Variants in CAMTA1 observed in about 807,000 individuals in gnomAD.
CAMTA1 encodes the protein calmodulin-binding transcription activator 1.
Under a neutral mutation model 170.9 loss-of-function variants are expected in CAMTA1, and 27 were observed. That is an observed-to-expected ratio of 0.16 (90% CI 0.12 to 0.22). CAMTA1 has a LOEUF of 0.22. Among genes scored for constraint, CAMTA1 ranks in the 10% least tolerant of loss-of-function variants. CAMTA1 has a pLI of 1.00. For missense variants in CAMTA1, 1,619 were observed against 2,217.2 expected (o/e 0.73, Z 5.42); for synonymous variants, 833 against 891.5 (o/e 0.93, Z 1.17).
chr1:7,524,313 C>A (rs888164612), intron 6 of CAMTA1, among the ~76,000 whole-genome samples: 1 of 152,122 alleles, frequency 6.6e-6, no homozygotes, highest in East Asian at 1.9e-4. Flanking sequence ...GAAATGCAAT[C>A]AATTTTTCTG....
At chr1:6,891,256 A>G (rs747875426) in intron 3 of CAMTA1, among the ~76,000 whole-genome samples, 11 of 152,206 alleles carry the variant, frequency 7.2e-5, no homozygotes, top group Non-Finnish European at 1.0e-4. Flanking sequence ...TTCTTGTGCA[A>G]TCCCCACTTT....
At chr1:7,493,266 C>T (rs553917484) in intron 6 of CAMTA1, among the ~76,000 whole-genome samples, 96 of 88,696 alleles carry the variant, frequency 1.1e-3, no homozygotes, top group African/African-American at 4.3e-3. Context: ...TACGTACACA[C>T]GCACACAAAC....
At chr1:7,648,245 A>T (rs1353428545) in intron 7 of CAMTA1, among the ~76,000 whole-genome samples, 2 of 152,162 alleles carry the variant, frequency 1.3e-5, no homozygotes, top group Non-Finnish European at 2.9e-5. Context: ...TACAAAAATT[A>T]TCTGGGCATG....
At chr1:6,842,172 A>G (rs1656036110) in intron 3 of CAMTA1, among the ~76,000 whole-genome samples, 1 of 151,980 alleles carries the variant, frequency 6.6e-6, no homozygotes, top group African/African-American at 2.4e-5. Context: ...ACATTTATTC[A>G]CTCCACAACA....
chr1:7,699,395 G>A (rs1423524192), intron 11 of CAMTA1, among the ~76,000 whole-genome samples: 1 of 152,210 alleles, frequency 6.6e-6, no homozygotes, highest in Non-Finnish European at 1.5e-5. Context: ...GTATGGACTT[G>A]TGGCTGGCTT....
chr1:7,579,433 G>C (rs573050024), intron 6 of CAMTA1, among the ~76,000 whole-genome samples: 1 of 152,124 alleles, frequency 6.6e-6, no homozygotes, highest in African/African-American at 2.4e-5. Flanking sequence ...ACCTGCCGTT[G>C]TGTAGACAGG....
At chr1:7,242,834 C>T (rs1021161474) in intron 4 of CAMTA1, among the ~76,000 whole-genome samples, 33 of 151,702 alleles carry the variant, frequency 2.2e-4, no homozygotes, top group Non-Finnish European at 3.7e-4. Flanking sequence ...TGGTGGCGGG[C>T]GCCTATAGTC....
At chr1:7,344,684 G>A (rs1004458339) in intron 5 of CAMTA1, among the ~76,000 whole-genome samples, 4 of 151,918 alleles carry the variant, frequency 2.6e-5, no homozygotes, top group Non-Finnish European at 1.5e-5. Flanking sequence ...CCCTGTTCAC[G>A]GGTGAGCAGG....
chr1:7,254,261 G>A (rs573494952), intron 5 of CAMTA1, among the ~76,000 whole-genome samples: 2 of 152,258 alleles, frequency 1.3e-5, no homozygotes, highest in Admixed American at 1.3e-4. Context: ...CTAGCAACGC[G>A]GCCCTCTCGG....
At chr1:7,291,662 T>G (rs1673158230) in intron 5 of CAMTA1, among the ~76,000 whole-genome samples, 1 of 152,238 alleles carries the variant, frequency 6.6e-6, no homozygotes, top group Admixed American at 6.5e-5. Context: ...CTTTAAGCCT[T>G]CACATTTCTT....
chr1:7,077,632 G>A (rs1309911794), intron 3 of CAMTA1, among the ~76,000 whole-genome samples: 4 of 152,016 alleles, frequency 2.6e-5, no homozygotes, highest in African/African-American at 9.7e-5. Context: ...TATCTTGGAT[G>A]TGTTAATTTT....
At position 7,432,952 on chromosome 1, in the gene CAMTA1, G is replaced by A. The variant is rs78258356; in HGVS notation, c.439-34878G>A. ...TTTCTTCGTGCATAGGTTCTGCACCGGGGCCAGCCCCAGAGGGATCTCCAG... is the reference window on the plus strand; with the variant it reads ...TTTCTTCGTGCATAGGTTCTGCACCAGGGCCAGCCCCAGAGGGATCTCCAG... On this transcript the variant is annotated intron_variant, in intron 5 of 22. Transcript: ENST00000303635. Among the ~76,000 whole-genome samples the A allele has an allele frequency of 2.6e-3, 395 of 152,334 alleles. 1 individual carries two copies. The highest frequency in any genetic ancestry group is 9.2e-3 in the African/African-American group (382 of 41,576).
At chr1:6,928,585 C>T (rs915488278) in intron 3 of CAMTA1, among the ~76,000 whole-genome samples, 1 of 152,152 alleles carries the variant, frequency 6.6e-6, no homozygotes, top group African/African-American at 2.4e-5. Flanking sequence ...TCCCAGAGAG[C>T]CCCTTACTTG....
Position 7,195,147 on chromosome 1 carries a change from A to G in CAMTA1, c.303-54344A>G, listed in dbSNP as rs962695915. On this transcript the variant is annotated intron_variant, in intron 4 of 22. Coordinates refer to ENST00000303635, the MANE Select transcript of CAMTA1 (RefSeq NM_015215.4). This position sits in a 1 kb window ranked among gnomAD's most constrained non-coding sequence, Gnocchi z 4.1. ...AACTAACCCAGCCCAGCAGCAGGCG[A>G]GGTTTTCTGTCGTCCAGCACGTGCA... Among the ~76,000 whole-genome samples, 1 of 152,168 alleles carries G rather than the reference A, an allele frequency of 6.6e-6. No individual in the cohort carries two copies. Among genetic ancestry groups the G allele is most frequent in the African/African-American group, 2.4e-5 (1 of 41,438 alleles).
chr1:6,905,219 G>A (rs1231894709), intron 3 of CAMTA1, among the ~76,000 whole-genome samples: 4 of 129,164 alleles, frequency 3.1e-5, no homozygotes, highest in African/African-American at 6.1e-5. Flanking sequence ...TTGAGACGGT[G>A]TTTTGTTCCT....
rs1344264116 is a variant in CAMTA1 at position 7,677,616 on chromosome 1, G to C, written c.2797G>C (p.Val933Leu). 1 of 1,614,012 alleles carries C rather than the reference G, an allele frequency of 6.2e-7. No homozygotes were observed. The highest frequency in any genetic ancestry group is 1.7e-5 in the Admixed American group (1 of 60,002). Reference protein sequence around the residue: ...CYCPAHDTGLVTLQVAFNNQI... With the variant: ...CYCPAHDTGLLTLQVAFNNQI... Reference sequence around the variant, plus strand: ...GCTTTCAGCCCATGACACTGGTCTTGTGACCCTACAAGTTGCCTTCAACAA... The same window carrying C: ...GCTTTCAGCCCATGACACTGGTCTTCTGACCCTACAAGTTGCCTTCAACAA... The change falls in exon 11 of 23, where the codon GTG becomes CTG. Residue 933 changes from valine to leucine, a missense_variant. Physicochemically the swap from Val to Leu is conservative, Grantham distance 32. This residue lies in a region of CAMTA1 where 143 missense variants were observed against 184.2 expected (regional missense o/e 0.78). Transcript: ENST00000303635.
chr1:6,906,490 A>C (rs1262599452), intron 3 of CAMTA1, among the ~76,000 whole-genome samples: 2 of 152,174 alleles, frequency 1.3e-5, no homozygotes, highest in Non-Finnish European at 2.9e-5. Context: ...ACTGACACAG[A>C]AAATCAGGGT....
rs1708492112 is a variant in CAMTA1, at chr1:7,063,096, A to G, written c.235-28208A>G. Among the ~76,000 whole-genome samples, 1 of 152,200 alleles carries G rather than the reference A, an allele frequency of 6.6e-6. No homozygotes were observed. The highest frequency in any genetic ancestry group is 6.5e-5 in the Admixed American group (1 of 15,286). ...CGGATTCATTTTTCTCACTTCCCTA[A>G]CAAAATATAAACTGCAGGAGGCAGA... is the stretch of plus-strand genomic sequence containing the variant. On this transcript the variant is annotated intron_variant, in intron 3 of 22. Transcript: ENST00000303635. This position sits in a 1 kb window ranked among gnomAD's most constrained non-coding sequence, Gnocchi z 4.3.
At chr1:6,870,951 C>T (rs1303867089) in intron 3 of CAMTA1, among the ~76,000 whole-genome samples, 1 of 152,130 alleles carries the variant, frequency 6.6e-6, no homozygotes, top group Non-Finnish European at 1.5e-5. Flanking sequence ...TAGTGCTTAC[C>T]ATTACTGCAA....
Sources: gnomAD v4.1 joint callset for allele counts (sites outside exome capture counted in the v4.1 genomes callset) on GRCh38, gnomAD v4.1.1 for gene constraint, gnomAD v4.1.1 regional missense constraint, Gnocchi (gnomAD v3.1) non-coding constraint, MANE v1.5 for transcripts, NCBI Gene and HGNC (gene_info 2026-07-23, HGNC 2026-07-21) for gene names.